Variants in TRPC5 observed in about 807,000 individuals in gnomAD.
The protein encoded by TRPC5 is transient receptor potential cation channel subfamily C member 5, also known as short transient receptor potential channel 5.
In TRPC5, 9 loss-of-function variants were observed where a neutral mutation model predicts 56.5. That is an observed-to-expected ratio of 0.16 (90% CI 0.10 to 0.28). The LOEUF (loss-of-function observed/expected upper bound fraction) is 0.28. Ranked by LOEUF, TRPC5 falls within the 10% of genes least tolerant of loss-of-function variation. TRPC5 has a pLI of 1.00. For missense variants in TRPC5, 469 were observed against 748.9 expected (o/e 0.63, Z 4.36); for synonymous variants, 282 against 278.5 (o/e 1.01, Z -0.13).
intron 2 of TRPC5, among the ~76,000 whole-genome samples, chrX:111,914,258 A>T (rs1216476481): frequency 2.7e-5 from 3 of 112,211 alleles, no homozygotes; most frequent in African/African-American, 9.7e-5. Context: ...GATAATTGGG[A>T]GTCTCATCGA....
intron 6 of TRPC5, among the ~76,000 whole-genome samples, chrX:111,840,014 CAAA>C (rs1458606465): frequency 9.0e-6 from 1 of 111,474 alleles, no homozygotes; most frequent in Non-Finnish European, 1.9e-5. Context: ...ACTAAAAATA[CAAA>C]AAATTAGCCG....
At chrX:111,950,197 C>T (rs1927046611) in intron 2 of TRPC5, among the ~76,000 whole-genome samples, 1 of 110,363 alleles carries the variant, frequency 9.1e-6, no homozygotes, top group Non-Finnish European at 1.9e-5. Context: ...TGGTGGCAGG[C>T]ACCTGTAGTC....
At chrX:111,891,049 T>C (rs1486747723) in intron 3 of TRPC5, among the ~76,000 whole-genome samples, 3 of 112,268 alleles carry the variant, frequency 2.7e-5, no homozygotes, top group East Asian at 5.6e-4. Flanking sequence ...GATATGATCT[T>C]GTTTTTTATG....
intron 1 of TRPC5, among the ~76,000 whole-genome samples, chrX:112,049,128 G>C (rs1569530158): frequency 8.9e-6 from 1 of 111,952 alleles, no homozygotes; most frequent in Non-Finnish European, 1.9e-5. Context: ...ACTGACCTCA[G>C]TTTTTAGAAA....
chrX:111,934,489 G>A (rs761973190), intron 2 of TRPC5, among the ~76,000 whole-genome samples: 50 of 110,854 alleles, frequency 4.5e-4, no homozygotes, highest in East Asian at 1.1e-3. Context: ...CCAATATACC[G>A]TTTTAGTTAT....
intron 1 of TRPC5, among the ~76,000 whole-genome samples, chrX:112,042,060 C>T (rs1437344833): frequency 8.9e-6 from 1 of 111,980 alleles, no homozygotes; most frequent in East Asian, 2.8e-4. Flanking sequence ...TCAATCCACT[C>T]AGGAGGAGCA....
At chrX:111,955,117 C>T (rs1381194135) in intron 1 of TRPC5, among the ~76,000 whole-genome samples, 5 of 111,780 alleles carry the variant, frequency 4.5e-5, no homozygotes, top group African/African-American at 9.8e-5. Flanking sequence ...CAAGTATAAT[C>T]GGATGATATA....
intron 5 of TRPC5, among the ~76,000 whole-genome samples, chrX:111,849,556 G>A (rs760433657): frequency 1.8e-5 from 2 of 112,055 alleles, no homozygotes; most frequent in Admixed American, 9.5e-5. Context: ...ATCTAACACA[G>A]TCGTTTTAAA....
chrX:112,078,375 A>T, intron 1 of TRPC5, among the ~76,000 whole-genome samples: 1 of 111,579 alleles, frequency 9.0e-6, no homozygotes, highest in East Asian at 2.8e-4. Flanking sequence ...TTTCTTGGGA[A>T]GATCTCCACA....
intron 1 of TRPC5, among the ~76,000 whole-genome samples, chrX:112,031,263 C>A (rs1462602590): frequency 8.9e-6 from 1 of 111,900 alleles, no homozygotes; most frequent in African/African-American, 3.3e-5. Context: ...AAACCCCCAG[C>A]TCCTTGAGAC....
At chrX:111,844,374 A>G (rs1203382088) in intron 6 of TRPC5, among the ~76,000 whole-genome samples, 1 of 111,261 alleles carries the variant, frequency 9.0e-6, no homozygotes, top group Non-Finnish European at 1.9e-5. Context: ...CTGTACTGTC[A>G]TGTGGTTGTC....
rs751230167 is a variant in TRPC5, at chrX:112,056,634, G to GT, written c.-22+25244dup. 4.4e-5 allele frequency among the ~76,000 whole-genome samples: 5 copies of GT among 112,501 alleles called. No homozygotes were observed. In the East Asian group the frequency reaches 1.4e-3, roughly 32 times the overall value. On this transcript the variant is annotated intron_variant, in intron 1 of 10. Transcript: ENST00000262839. ...TCTATGCATTTTGCTGCTTAGCAAT[G>GT]TATGAAAATTCTCTGCCAGGCAGCC...
chrX:111,928,168 G>A (rs934721826), intron 2 of TRPC5, among the ~76,000 whole-genome samples: 10 of 111,534 alleles, frequency 9.0e-5, no homozygotes, highest in South Asian at 3.8e-4. Flanking sequence ...GGCCATGACT[G>A]TGCCCCATCA....
intron 7 of TRPC5, among the ~76,000 whole-genome samples, chrX:111,814,570 C>T (rs1481030844): frequency 1.8e-5 from 2 of 110,529 alleles, no homozygotes; most frequent in South Asian, 3.9e-4. Context: ...ACCCTAGTAC[C>T]GATGCTTCCC....
intron 1 of TRPC5, among the ~76,000 whole-genome samples, chrX:112,022,161 A>G (rs141360865): frequency 8.9e-6 from 1 of 112,374 alleles, no homozygotes; most frequent in African/African-American, 3.2e-5. Context: ...GAGGTAGGAT[A>G]TACTGTATTT....
At position 111,776,732 on chromosome X, in the gene TRPC5, G is replaced by A. The variant is rs745527465; in HGVS notation, c.2503C>T (p.Arg835Cys). ...GKSKAESSSK[R>C]SFMGPSLKKL... ...TTGAGAGAAGGACCCATGAAGGAGCGTTTGCTTGATGACTCAGCTTTTGAC... is the reference window on the plus strand; with the variant it reads ...TTGAGAGAAGGACCCATGAAGGAGCATTTGCTTGATGACTCAGCTTTTGAC... Residue 835 changes from arginine (R) to cysteine (C), a missense_variant, in exon 11 of 11, where the codon CGC (arginine) becomes TGC (cysteine). Physicochemically the swap from Arg to Cys is radical, Grantham distance 180 (BLOSUM62 -3). Transcript: ENST00000262839. 24 of 1,209,917 alleles carry A rather than the reference G, an allele frequency of 2.0e-5. No homozygotes were observed. The East Asian group carries it at 6.2e-4, about 31-fold the overall frequency.
chrX:112,049,364 G>A (rs927172564), intron 1 of TRPC5, among the ~76,000 whole-genome samples: 2 of 108,260 alleles, frequency 1.8e-5, no homozygotes, highest in African/African-American at 6.7e-5. Flanking sequence ...AACTGCATGG[G>A]GCACCAAGGC....
intron 7 of TRPC5, among the ~76,000 whole-genome samples, chrX:111,824,249 A>C (rs1011195823): frequency 9.6e-6 from 1 of 104,372 alleles, no homozygotes; most frequent in Non-Finnish European, 1.9e-5. Flanking sequence ...AAAAAAAAAA[A>C]ATGTGTACCC....
At chrX:111,928,165 A>T (rs762019983) in intron 2 of TRPC5, among the ~76,000 whole-genome samples, 1 of 111,811 alleles carries the variant, frequency 8.9e-6, no homozygotes, top group Non-Finnish European at 1.9e-5. Context: ...CATGGCCATG[A>T]CTGTGCCCCA....
Sources: gnomAD v4.1 joint callset for allele counts (sites outside exome capture counted in the v4.1 genomes callset) on GRCh38, gnomAD v4.1.1 for gene constraint, MANE v1.5 for transcripts, NCBI Gene and HGNC (gene_info 2026-07-23, HGNC 2026-07-21) for gene names.